The following RUFY3 variants were observed in gnomAD, a reference collection of about 807,000 sequenced individuals.
RUFY3 encodes the protein protein RUFY3.
Under a neutral mutation model 84.0 loss-of-function variants are expected in RUFY3, and 34 were observed. That is an observed-to-expected ratio of 0.40 (90% CI 0.31 to 0.54). The LOEUF is 0.54. Among genes scored for constraint, RUFY3 ranks in the 20% least tolerant of loss-of-function variants. The pLI is 0.39. For synonymous variants in RUFY3, 242 were observed against 252.9 expected (o/e 0.96, Z 0.41); for missense variants, 507 against 736.8 (o/e 0.69, Z 3.61).
chr4:70,791,282 C>T, intron 12 of RUFY3: 1 of 1,613,416 alleles, frequency 6.2e-7, no homozygotes, highest in Non-Finnish European at 8.5e-7. Flanking sequence ...ATAAACTGAT[C>T]CCAAAACATC....
intron 6 of RUFY3, among the ~76,000 whole-genome samples, chr4:70,773,998 CT>C (rs1168068151): frequency 6.6e-6 from 1 of 152,158 alleles, no homozygotes; most frequent in Non-Finnish European, 1.5e-5. Flanking sequence ...GAACTCTGTG[CT>C]GCGTTTATAC....
intron 17 of RUFY3, 144 bp downstream of exon 17, chr4:70,804,560 C>A: frequency 1.9e-6 from 1 of 539,814 alleles, no homozygotes; most frequent in Non-Finnish European, 3.3e-6. Context: ...GCAAAAGGGG[C>A]AAGCATTTAC....
At chr4:70,792,688 T>C in intron 12 of RUFY3, 1 of 985,046 alleles carries the variant, frequency 1.0e-6, no homozygotes, top group Non-Finnish European at 1.2e-6. Context: ...CTTAAAATTC[T>C]TTATCTTTTT....
chr4:70,709,663 C>T (rs897280362), intron 1 of RUFY3, among the ~76,000 whole-genome samples: 1 of 152,178 alleles, frequency 6.6e-6, no homozygotes, highest in Non-Finnish European at 1.5e-5. Flanking sequence ...TAGAGATCGT[C>T]TTGTGAATGG....
chr4:70,705,126 C>T, exon 1 of RUFY3: 2 of 1,439,088 alleles, frequency 1.4e-6, no homozygotes, highest in Non-Finnish European at 1.8e-6. Flanking sequence ...GGTGGCCGCC[C>T]CCTTCTTCCT....
At chr4:70,800,653 G>A (rs1732106607) in intron 15 of RUFY3, among the ~76,000 whole-genome samples, 2 of 152,210 alleles carry the variant, frequency 1.3e-5, no homozygotes, top group South Asian at 2.1e-4. Flanking sequence ...GGAGGCCGAG[G>A]CAGGTGGATC....
rs202245301 is a variant in RUFY3 at position 70,706,939 on chromosome 4, A to G, written c.358+1645A>G. Among the ~76,000 whole-genome samples, 16 of 152,288 alleles carry G rather than the reference A, an allele frequency of 1.1e-4. No homozygotes were observed. In the East Asian group the frequency reaches 3.1e-3, roughly 29 times the overall value. On this transcript the variant is annotated intron_variant, in intron 1 of 11. Transcript: ENST00000417478. Reference sequence around the variant, plus strand: ...ACCAAAAATGTTTTCTTTCTGTGTAATCTACATATTAAGCATGCTACTATA... The same window carrying G: ...ACCAAAAATGTTTTCTTTCTGTGTAGTCTACATATTAAGCATGCTACTATA...
intron 14 of RUFY3, among the ~76,000 whole-genome samples, chr4:70,797,087 C>T (rs997927462): frequency 2.0e-5 from 3 of 151,752 alleles, no homozygotes; most frequent in Non-Finnish European, 2.9e-5. Flanking sequence ...ACTGTAGGCA[C>T]ACACCACAAA....
intron 14 of RUFY3, among the ~76,000 whole-genome samples, chr4:70,799,144 CAAA>C (rs547398917): frequency 1.1e-4 from 7 of 64,148 alleles, no homozygotes; most frequent in Non-Finnish European, 1.3e-4. Context: ...GACTCCGTCT[CAAA>C]AAAAAAAAAA....
Position 70,806,722 on chromosome 4 carries a change from T to C in RUFY3, c.*63T>C, listed in dbSNP as rs1732893860. ...GGCTCCTCTGTACCTGTGTTTTAGC[T>C]GTCAGGATCTCATAGAGCCCAGTTC... On this transcript the variant is annotated 3_prime_UTR_variant, in exon 18 of 18. Transcript: ENST00000381006. The C allele has an allele frequency of 1.9e-6, 3 of 1,584,444 alleles. No homozygotes were observed. The Admixed American group carries it at 5.2e-5, about 27-fold the overall frequency.
intron 1 of RUFY3, among the ~76,000 whole-genome samples, chr4:70,741,937 G>A (rs1029314048): frequency 3.3e-5 from 5 of 152,126 alleles, no homozygotes; most frequent in African/African-American, 1.2e-4. Context: ...TGCCATGGCT[G>A]TTTTTTCACT....
At chr4:70,715,025 T>C (rs1741404168) in intron 1 of RUFY3, among the ~76,000 whole-genome samples, 3 of 152,236 alleles carry the variant, frequency 2.0e-5, no homozygotes, top group South Asian at 2.1e-4. Flanking sequence ...ATAAATCAAC[T>C]TTCTGAGTAT....
At chr4:70,727,447 C>G (rs890166561) in intron 1 of RUFY3, among the ~76,000 whole-genome samples, 1 of 149,114 alleles carries the variant, frequency 6.7e-6, no homozygotes, top group African/African-American at 2.5e-5. Context: ...CCTCTGCCTC[C>G]CAGGTTCAAG....
chr4:70,790,017 C>A, intron 12 of RUFY3: 1 of 395,504 alleles, frequency 2.5e-6, no homozygotes. Flanking sequence ...AGGTGTCCTC[C>A]AAGGATCTAT....
At chr4:70,760,952 C>A (rs1412967233) in intron 1 of RUFY3, among the ~76,000 whole-genome samples, 1 of 152,198 alleles carries the variant, frequency 6.6e-6, no homozygotes, top group African/African-American at 2.4e-5. Flanking sequence ...CCATTTGACT[C>A]TGCTCATTTA....
intron 1 of RUFY3, among the ~76,000 whole-genome samples, chr4:70,708,655 AT>A (rs1343592314): frequency 1.3e-5 from 2 of 152,176 alleles, no homozygotes; most frequent in African/African-American, 4.8e-5. Context: ...TTATCTTTTT[AT>A]TTTAGAAATC....
At chr4:70,765,205 A>AAG (rs1265201116) in intron 4 of RUFY3, among the ~76,000 whole-genome samples, 2 of 130,916 alleles carry the variant, frequency 1.5e-5, no homozygotes, top group African/African-American at 2.9e-5. Flanking sequence ...AAAAAAAAAA[A>AAG]TGTGTATATA....
In RUFY3 at chr4:70,760,159, T is replaced by C. The variant is rs139272939; in HGVS notation, c.179-2360T>C. Among the ~76,000 whole-genome samples the C allele has an allele frequency of 3.1e-3, 478 of 152,326 alleles. 4 individuals carry two copies. The highest frequency in any genetic ancestry group is 0.011 in the African/African-American group (460 of 41,574). ...CGCTAGTTAACCTGTCTGTAGTTCA[T>C]GCACTCCAGACCTCAGCCAGATGTC... On this transcript the variant is annotated intron_variant, in intron 1 of 17. Transcript: ENST00000381006.
chr4:70,756,671 T>C (rs1259234170), intron 1 of RUFY3, among the ~76,000 whole-genome samples: 1 of 152,136 alleles, frequency 6.6e-6, no homozygotes, highest in East Asian at 1.9e-4. Flanking sequence ...TCTCATCCTC[T>C]GAGGATTTAT....
Sources: gnomAD v4.1 joint callset for allele counts (sites outside exome capture counted in the v4.1 genomes callset) on GRCh38, gnomAD v4.1.1 for gene constraint, MANE v1.5 for transcripts, NCBI Gene and HGNC (gene_info 2026-07-23, HGNC 2026-07-21) for gene names.